ZNF398: variants seen among roughly 807,000 people sequenced by gnomAD.
ZNF398 encodes the protein zinc finger DNA binding protein ZER6.
A neutral mutation model predicts 41.9 loss-of-function variants in ZNF398; 18 were observed. That is an observed-to-expected ratio of 0.43 (90% confidence interval 0.30 to 0.64). The LOEUF (loss-of-function observed/expected upper bound fraction) is 0.64. Ranked by LOEUF, ZNF398 falls within the 30% of genes least tolerant of loss-of-function variation. The pLI, the probability that ZNF398 is intolerant of heterozygous loss-of-function variation, is 0.14. For missense variants in ZNF398, 669 were observed against 822.8 expected, an observed-to-expected ratio of 0.81 and a Z score of 2.29; for synonymous variants, 260 against 308.8, an observed-to-expected ratio of 0.84 and a Z score of 1.66.
chr7:149,181,238 C>G lies in ZNF398; in HGVS notation c.*1437C>G, dbSNP rs187025748. On this transcript the variant is annotated 3_prime_UTR_variant, in exon 6 of 6. Coordinates refer to ENST00000475153, the MANE Select transcript of ZNF398 (RefSeq NM_170686.3). ...GCCAAAGTTCTGTCTCTGTCTTTGG[C>G]TTCTGTCCAGGCAAAGCTAAATAAG... 558 of 152,656 alleles carry G rather than the reference C, an allele frequency of 3.7e-3. 5 individuals are homozygous for G. The highest frequency in any genetic ancestry group is 0.029 in the Admixed American group (436 of 15,286). 9.5% of individuals were successfully genotyped at this position (152,656 alleles called of 1,614,324 possible).
rs1336450947 is a variant in ZNF398, at chr7:149,147,534, TCCGCCGCCTGCTGCACCGCG to T, written c.-206_-187del. The T allele has an allele frequency of 1.0e-5, 4 of 393,082 alleles. No individual in the cohort carries two copies. The highest frequency in any genetic ancestry group is 1.7e-5 in the Non-Finnish European group (4 of 242,396). 24.3% of individuals were successfully genotyped at this position (393,082 alleles called of 1,614,324 possible). A position where few individuals can be genotyped will look rare whatever the true frequency, so the allele number is the denominator to read the frequency against. On this transcript the variant is annotated 5_prime_UTR_variant, in exon 1 of 6. Transcript: ENST00000475153. The surrounding 1 kb of genome is among the most constrained non-coding windows in gnomAD (Gnocchi z 5.6). ...AGTCGGCCTCGCGACCCCAGCTTGATCCGCCGCCTGCTGCACCGCGCCTCCGCCGCGTTCCTGCGCGTCCC... is the reference window on the plus strand; with the variant it reads ...AGTCGGCCTCGCGACCCCAGCTTGATCCTCCGCCGCGTTCCTGCGCGTCCC...
chr7:149,182,844 G>A lies in ZNF398; in HGVS notation c.*3043G>A, dbSNP rs1395981943. 1 of 152,128 alleles carries A rather than the reference G, an allele frequency of 6.6e-6. No homozygotes were observed. Among genetic ancestry groups the A allele is most frequent in the Non-Finnish European group, 1.5e-5 (1 of 68,024 alleles). The allele number at this position is 152,128 out of a possible 1,614,324, so 9.4% of individuals were successfully genotyped here. ...CTTTTCTGCTGAACATTTAGTATTG[G>A]AAACTCCTACTTCCCTTTTCATTAA... On this transcript the variant is annotated 3_prime_UTR_variant, in exon 6 of 6. Transcript: ENST00000475153.
chr7:149,148,352 G>A, intron 1 of ZNF398: 1 of 837,666 alleles, frequency 1.2e-6, no homozygotes, highest in Non-Finnish European at 1.4e-6. Context: ...GCCAAGGCCT[G>A]CGGGGGCCGG....
intron 2 of ZNF398, among the ~76,000 whole-genome samples, chr7:149,155,707 A>ATATATATATTTTTTTT (rs1794954712): frequency 2.7e-5 from 2 of 73,578 alleles, no homozygotes; most frequent in Non-Finnish European, 4.8e-5. Flanking sequence ...ATATATATAT[A>ATATATATATTTTTTTT]TTTTTTTTTT....
Position 149,157,251 on chromosome 7 carries a change from A to T in ZNF398, c.420+2911A>T, listed in dbSNP as rs149890741. Among the ~76,000 whole-genome samples, 12 of 151,092 alleles carry T rather than the reference A, an allele frequency of 7.9e-5. No homozygotes were observed. In the East Asian group the frequency reaches 2.3e-3, roughly 29 times the overall value. ...AAAGTGGACTAAGAAAGTCCAGGAC[A>T]GGGCGGGGCACGGTGGCTAATGCCT... On this transcript the variant is annotated intron_variant, in intron 2 of 5. Transcript: ENST00000475153.
chr7:149,141,412 C>G (rs998636184), intron 2 of ZNF398, among the ~76,000 whole-genome samples: 3 of 149,258 alleles, frequency 2.0e-5, no homozygotes, highest in Non-Finnish European at 4.4e-5. Flanking sequence ...TCTTCCATCT[C>G]AGCCTCCCGA....
chr7:149,133,689 G>GTATA (rs1236595957), intron 2 of ZNF398, among the ~76,000 whole-genome samples: 5 of 36,664 alleles, frequency 1.4e-4, no homozygotes, highest in African/African-American at 4.2e-4. Flanking sequence ...ACATATATAT[G>GTATA]TGTGTATATA....
At chr7:149,166,068 T>TA (rs1218359794) in intron 2 of ZNF398, 90 bp from the exon 3 acceptor site, 62 of 1,386,396 alleles carry the variant, frequency 4.5e-5, no homozygotes, top group East Asian at 1.2e-4. Context: ...TTTGAAAATG[T>TA]AAAAAAAATA....
intron 5 of ZNF398, among the ~76,000 whole-genome samples, chr7:149,178,068 G>A (rs1795499205): frequency 6.6e-6 from 1 of 152,112 alleles, no homozygotes; most frequent in Non-Finnish European, 1.5e-5. Context: ...GAGGTGGGTG[G>A]ACCATGAGGT....
intron 2 of ZNF398, among the ~76,000 whole-genome samples, chr7:149,132,382 T>C (rs1448379982): frequency 1.3e-5 from 2 of 151,958 alleles, no homozygotes; most frequent in Non-Finnish European, 1.5e-5. Context: ...TTAGTAGATA[T>C]GGGGTTTCTC....
Position 149,179,678 on chromosome 7 carries a change from T to C in ZNF398, c.1806T>C (p.Gly602=). 6.2e-7 allele frequency: 1 copy of C among 1,614,178 alleles called. No individual in the cohort carries two copies. Among genetic ancestry groups the C allele is most frequent in the Non-Finnish European group, 8.5e-7 (1 of 1,180,034 alleles). The change falls in exon 6 of 6, where the codon GGT becomes GGC. Residue 602 remains glycine, a synonymous_variant. Transcript: ENST00000475153. This position sits in a 1 kb window ranked among gnomAD's most constrained non-coding sequence, Gnocchi z 6.1. The part of the protein sequence containing the change: ...GGCGGDSDPS[G]QPPNPPGPLI... The stretch of plus-strand genomic sequence containing the variant: ...GTGGGGGTGATAGTGACCCATCAGG[T>C]CAGCCACCCAACCCACCAGGTCCCC...
At chr7:149,143,819 A>G (rs1826877950), upstream of ZNF398, among the ~76,000 whole-genome samples, 1 of 150,948 alleles carries the variant, frequency 6.6e-6, no homozygotes, top group African/African-American at 2.4e-5. Flanking sequence ...ATCTCAAAAA[A>G]CAAACAAACA....
At position 149,180,664 on chromosome 7, in the gene ZNF398, C is replaced by A. The variant is rs1795569982; in HGVS notation, c.*863C>A. Reference sequence around the variant, plus strand: ...AACAGCTTAAAATTTGTGCCTACACCATGTTCTGAGAGTCGTTCACATCAA... The same window carrying A: ...AACAGCTTAAAATTTGTGCCTACACAATGTTCTGAGAGTCGTTCACATCAA... On this transcript the variant is annotated 3_prime_UTR_variant, in exon 6 of 6. Coordinates refer to ENST00000475153, the MANE Select transcript of ZNF398 (RefSeq NM_170686.3). 6.6e-6 allele frequency: 1 copy of A among 152,178 alleles called. No individual in the cohort carries two copies. Among genetic ancestry groups the A allele is most frequent in the Non-Finnish European group, 1.5e-5 (1 of 68,036 alleles). The allele number at this position is 152,178 out of a possible 1,614,324, so 9.4% of individuals were successfully genotyped here. A position where few individuals can be genotyped will look rare whatever the true frequency, so the allele number is the denominator to read the frequency against.
At chr7:149,176,372 T>C (rs1315305945) in intron 4 of ZNF398, 96 bp from the exon 5 acceptor site, 26 of 872,110 alleles carry the variant, frequency 3.0e-5, no homozygotes, top group Non-Finnish European at 4.8e-5. Context: ...AGGAAAAATA[T>C]TTGGGGCAAA....
At chr7:149,173,106 T>A (rs1795384933) in intron 4 of ZNF398, among the ~76,000 whole-genome samples, 1 of 135,934 alleles carries the variant, frequency 7.4e-6, no homozygotes, top group Non-Finnish European at 1.6e-5. Flanking sequence ...TTTTTTTTTT[T>A]TTTTTTTTTT....
In ZNF398 at chr7:149,173,327, G is replaced by A. The variant is rs190596898; in HGVS notation, c.662-3141G>A. On this transcript the variant is annotated intron_variant, in intron 4 of 5. Transcript: ENST00000475153. Reference sequence around the variant, plus strand: ...TCGCCATGTTGGCCAGGTTGATCTCGAACTCCCGACCTCAGGTGATCCACC... The same window carrying A: ...TCGCCATGTTGGCCAGGTTGATCTCAAACTCCCGACCTCAGGTGATCCACC... 5.3e-5 allele frequency among the ~76,000 whole-genome samples: 8 copies of A among 151,598 alleles called. No individual in the cohort carries two copies. In the South Asian group the frequency reaches 6.3e-4, roughly 12 times the overall value.
At chr7:149,144,310 CTTTACTACTT>C (rs1826887741), upstream of ZNF398, among the ~76,000 whole-genome samples, 1 of 152,100 alleles carries the variant, frequency 6.6e-6, no homozygotes, top group South Asian at 2.1e-4. Context: ...AACTTGAAAA[CTTTACTACTT>C]TTTTTTTGGA....
chr7:149,158,848 A>AT (rs1795039169), intron 2 of ZNF398, among the ~76,000 whole-genome samples: 1 of 147,878 alleles, frequency 6.8e-6, no homozygotes, highest in African/African-American at 2.4e-5. Flanking sequence ...AAAAAAAAAA[A>AT]GAAAATTAGT....
chr7:149,151,135 T>G, intron 1 of ZNF398: 1 of 777,086 alleles, frequency 1.3e-6, no homozygotes. Flanking sequence ...CACAAGTCAG[T>G]GTTGAGATCC....
Sources: allele counts gnomAD v4.1 joint callset (sites outside exome capture counted in the v4.1 genomes callset), GRCh38; gene constraint gnomAD v4.1.1; non-coding constraint Gnocchi (gnomAD v3.1); transcripts MANE v1.5; gene names NCBI Gene and HGNC (gene_info 2026-07-23, HGNC 2026-07-21).